FRMPD4: variants seen among roughly 807,000 people sequenced by gnomAD.
FRMPD4 encodes the protein FERM and PDZ domain-containing protein 4.
In FRMPD4, 22 loss-of-function variants were observed where a neutral mutation model predicts 94.1. That is an observed-to-expected ratio of 0.23 (90% confidence interval 0.17 to 0.33). FRMPD4 has a LOEUF of 0.33. Ranked by LOEUF, FRMPD4 falls within the 10% of genes least tolerant of loss-of-function variation. FRMPD4 has a pLI of 1.00. For missense variants in FRMPD4, 1,111 were observed against 1,339.9 expected, an observed-to-expected ratio of 0.83 and a Z score of 2.67; for synonymous variants, 631 against 548.6, an observed-to-expected ratio of 1.15 and a Z score of -2.10.
intron 2 of FRMPD4, among the ~76,000 whole-genome samples, chrX:12,578,112 C>T (rs887633836): frequency 8.0e-5 from 9 of 112,200 alleles, no homozygotes; most frequent in Admixed American, 1.9e-4. Context: ...GAGGGCCTTC[C>T]CCTCTTGACC....
chrX:12,001,736 A>C (rs1206646494), intron 3 of FRMPD4, among the ~76,000 whole-genome samples: 1 of 112,304 alleles, frequency 8.9e-6, no homozygotes, highest in African/African-American at 3.2e-5. Context: ...GACCTCCAAA[A>C]TTGACATATT....
At chrX:12,181,949 C>G (rs2056364282) in intron 1 of FRMPD4, among the ~76,000 whole-genome samples, 1 of 111,395 alleles carries the variant, frequency 9.0e-6, no homozygotes, top group Non-Finnish European at 1.9e-5. Context: ...AAGGGTGTTC[C>G]TCTCCCCTGG....
chrX:12,371,680 A>G (rs990851281), intron 1 of FRMPD4, among the ~76,000 whole-genome samples: 2 of 112,029 alleles, frequency 1.8e-5, no homozygotes, highest in East Asian at 5.6e-4. Flanking sequence ...GTGCTACAGT[A>G]TGCTAAATAC....
At chrX:12,321,263 T>C (rs978349465) in intron 1 of FRMPD4, among the ~76,000 whole-genome samples, 5 of 112,076 alleles carry the variant, frequency 4.5e-5, no homozygotes, top group Admixed American at 9.5e-5. Flanking sequence ...AGCAGAGTCA[T>C]ACCTGATAAA....
chrX:12,284,725 C>T (rs772780346), intron 1 of FRMPD4, among the ~76,000 whole-genome samples: 2 of 112,019 alleles, frequency 1.8e-5, no homozygotes, highest in South Asian at 3.7e-4. Flanking sequence ...ATGTTGCATG[C>T]ATCTGTCAGT....
intron 1 of FRMPD4, among the ~76,000 whole-genome samples, chrX:12,465,129 C>A (rs2057435646): frequency 9.0e-6 from 1 of 110,893 alleles, no homozygotes; most frequent in African/African-American, 3.3e-5. Context: ...CAAGTGATTG[C>A]CTCTGAAAAC....
intron 3 of FRMPD4, among the ~76,000 whole-genome samples, chrX:12,117,204 GTCCTGC>G (rs763357112): frequency 9.0e-6 from 1 of 111,658 alleles, no homozygotes; most frequent in South Asian, 3.8e-4. Context: ...AAACACTTTT[GTCCTGC>G]TCCATGTCAA....
chrX:12,595,663 T>C (rs2059024495), intron 2 of FRMPD4, among the ~76,000 whole-genome samples: 1 of 112,402 alleles, frequency 8.9e-6, no homozygotes, highest in Admixed American at 9.4e-5. Flanking sequence ...TTGAGTTCTC[T>C]TAGTATGACA....
chrX:12,465,973 G>A (rs2057444918), intron 1 of FRMPD4, among the ~76,000 whole-genome samples: 1 of 81,455 alleles, frequency 1.2e-5, no homozygotes, highest in African/African-American at 3.4e-5. Context: ...CCTGACCTGT[G>A]TTCTCATTTC....
intron 1 of FRMPD4, among the ~76,000 whole-genome samples, chrX:11,854,886 C>T (rs1437320423): frequency 8.9e-6 from 1 of 111,986 alleles, no homozygotes; most frequent in East Asian, 2.8e-4. Flanking sequence ...CTTCTCACAG[C>T]TCCACCAGGC....
At chrX:12,011,906 A>ATT (rs370370680) in intron 3 of FRMPD4, among the ~76,000 whole-genome samples, 1,003 of 99,094 alleles carry the variant, frequency 0.01, 9 homozygotes, top group African/African-American at 0.021. Flanking sequence ...TACGATCTGA[A>ATT]TTTTTTTTTT....
At chrX:12,061,543 T>C (rs1159631048) in intron 3 of FRMPD4, among the ~76,000 whole-genome samples, 1 of 111,597 alleles carries the variant, frequency 9.0e-6, no homozygotes, top group Non-Finnish European at 1.9e-5. Flanking sequence ...GTTAGGAAGA[T>C]ACAGAAATGA....
Position 11,978,321 on chromosome X carries a change from C to CAAAAAAAAAAAAAAAA in FRMPD4, c.95+100316_95+100331dup, listed in dbSNP as rs1172824155. 1.4e-3 allele frequency among the ~76,000 whole-genome samples: 23 copies of CAAAAAAAAAAAAAAAA among 16,355 alleles called. 2 individuals are homozygous for CAAAAAAAAAAAAAAAA. The highest frequency in any genetic ancestry group is 0.012 in the East Asian group (5 of 406). The allele number at this position is 16,355 out of a possible 115,157, so 14.2% of individuals were successfully genotyped here. ...TGGATGACAGAGTGAAACTCCATCT[C>CAAAAAAAAAAAAAAAA]AAAAAAAAAAAAAAAAAAAAAAAAA... On this transcript the variant is annotated intron_variant, in intron 3 of 18. Coordinates refer to the FRMPD4 transcript ENST00000640291.
At chrX:12,681,570 G>C (rs755802455) in intron 5 of FRMPD4, among the ~76,000 whole-genome samples, 7 of 110,873 alleles carry the variant, frequency 6.3e-5, no homozygotes, top group African/African-American at 2.3e-4. Flanking sequence ...CAAGCTCTGG[G>C]AGACAAATCA....
intron 1 of FRMPD4, among the ~76,000 whole-genome samples, chrX:12,392,601 C>T (rs1488754868): frequency 3.6e-5 from 4 of 110,217 alleles, no homozygotes; most frequent in Non-Finnish European, 5.7e-5. Flanking sequence ...TGCCATGAGC[C>T]GAGATCATGC....
At chrX:12,553,178 A>AAGAAAG (rs1161579084) in intron 2 of FRMPD4, among the ~76,000 whole-genome samples, 2 of 104,371 alleles carry the variant, frequency 1.9e-5, no homozygotes, top group Non-Finnish European at 4.0e-5. Context: ...GTAAGAAAGA[A>AAGAAAG]AGAAAGAAAG....
At chrX:11,971,070 C>A (rs1262516719) in intron 3 of FRMPD4, among the ~76,000 whole-genome samples, 2 of 112,229 alleles carry the variant, frequency 1.8e-5, no homozygotes, top group Non-Finnish European at 1.9e-5. Flanking sequence ...TCCTACATTT[C>A]TGCAGGTCAT....
In FRMPD4 at chrX:12,674,243, C is replaced by T. The variant is rs775356525; in HGVS notation, c.423-620C>T. ...GTGAGTAATATTTCCCAACCGGTGC[C>T]TGTCTGAAATATTTATCAGCCCAGG... On this transcript the variant is annotated intron_variant, in intron 4 of 16. Coordinates refer to ENST00000675598, the MANE Select transcript of FRMPD4 (RefSeq NM_001368397.1). 4.5e-5 allele frequency among the ~76,000 whole-genome samples: 5 copies of T among 111,959 alleles called. No individual in the cohort carries two copies. The East Asian group carries it at 1.4e-3, about 31-fold the overall frequency.
At chrX:12,281,697 C>T (rs2054529194) in intron 1 of FRMPD4, among the ~76,000 whole-genome samples, 1 of 111,913 alleles carries the variant, frequency 8.9e-6, no homozygotes, top group Non-Finnish European at 1.9e-5. Context: ...ATATATTTTC[C>T]AGCCTAGCAA....
Sources: allele counts gnomAD v4.1 joint callset (sites outside exome capture counted in the v4.1 genomes callset), GRCh38; gene constraint gnomAD v4.1.1; transcripts MANE v1.5; gene names NCBI Gene and HGNC (gene_info 2026-07-23, HGNC 2026-07-21).